SPPL3: variants seen among roughly 807,000 people sequenced by gnomAD.
SPPL3 encodes signal peptide peptidase like 3.
A neutral mutation model predicts 42.4 loss-of-function variants in SPPL3; 5 were observed. That is an observed-to-expected ratio of 0.12 (90% CI 0.06 to 0.25). The LOEUF is 0.25. SPPL3 is among the 10% of genes least tolerant of loss of function. The probability of loss-of-function intolerance (pLI) is 1.00; values close to 1 mark genes in which losing one functional copy is unlikely to be tolerated. For missense variants in SPPL3, 235 were observed against 489.0 expected, an observed-to-expected ratio of 0.48 and a Z score of 4.90; for synonymous variants, 195 against 181.8, an observed-to-expected ratio of 1.07 and a Z score of -0.58.
intron 1 of SPPL3, among the ~76,000 whole-genome samples, chr12:120,826,308 A>G (rs972652491): frequency 8.6e-5 from 13 of 150,780 alleles, no homozygotes; most frequent in Middle Eastern, 3.4e-3. Context: ...AAAAAAAAAA[A>G]AAAGAAAGCA....
At chr12:120,828,181 A>C (rs1005745389) in intron 1 of SPPL3, among the ~76,000 whole-genome samples, 1 of 152,248 alleles carries the variant, frequency 6.6e-6, no homozygotes, top group Non-Finnish European at 1.5e-5. Flanking sequence ...AAATCTGTGA[A>C]AATCCCCAAA....
intron 6 of SPPL3, among the ~76,000 whole-genome samples, chr12:120,778,676 T>C (rs1209746366): frequency 6.6e-6 from 1 of 152,252 alleles, no homozygotes; most frequent in African/African-American, 2.4e-5. Context: ...GCTTTACAAT[T>C]TGCAATCCAC....
chr12:120,765,004 C>G lies in SPPL3; in HGVS notation c.1150G>C (p.Val384Leu), dbSNP rs1359676719. Residue 384 changes from valine to leucine, a missense_variant, in exon 11 of 11, where the codon GTA becomes CTA. Physicochemically the swap from Val to Leu is conservative, Grantham distance 32. Transcript: ENST00000353487. The stretch of plus-strand genomic sequence containing the variant: ...GTCACTTTCCACGTGATCCATCATA[C>G]TTCCAGGAATCGGGAGCTGCTGGAC... ...SKSSSSRFLE[V>L] 6.2e-7 allele frequency: 1 copy of G among 1,613,918 alleles called. No homozygotes were observed. Among genetic ancestry groups the G allele is most frequent in the Middle Eastern group, 1.6e-4 (1 of 6,062 alleles).
At chr12:120,846,830 A>G (rs575257533) in intron 1 of SPPL3, among the ~76,000 whole-genome samples, 4 of 152,226 alleles carry the variant, frequency 2.6e-5, no homozygotes, top group Non-Finnish European at 4.4e-5. Context: ...AACAGATTCC[A>G]TATTTTTGTT....
chr12:120,885,935 A>C (rs1027214871), intron 1 of SPPL3, among the ~76,000 whole-genome samples: 4 of 147,744 alleles, frequency 2.7e-5, no homozygotes, highest in Non-Finnish European at 4.4e-5. Context: ...GCTCACCGCA[A>C]CCTCCACCTC....
intron 2 of SPPL3, among the ~76,000 whole-genome samples, chr12:120,792,829 G>A (rs1869966421): frequency 6.6e-6 from 1 of 152,070 alleles, no homozygotes; most frequent in South Asian, 2.1e-4. Flanking sequence ...TGGTAGGACA[G>A]AGGAACTGAC....
intron 1 of SPPL3, among the ~76,000 whole-genome samples, chr12:120,818,103 A>G (rs1158035160): frequency 3.3e-5 from 5 of 152,310 alleles, no homozygotes; most frequent in Non-Finnish European, 7.4e-5. Context: ...GAAATGTGTC[A>G]TTCTTCAGGC....
chr12:120,837,080 T>C (rs746893412), intron 1 of SPPL3, among the ~76,000 whole-genome samples: 2 of 152,206 alleles, frequency 1.3e-5, no homozygotes, highest in Non-Finnish European at 2.9e-5. Context: ...CGGTAGTCTG[T>C]TTTACAGCAA....
At chr12:120,765,578 C>A (rs974106272) in intron 10 of SPPL3, among the ~76,000 whole-genome samples, 1 of 152,182 alleles carries the variant, frequency 6.6e-6, no homozygotes, top group Non-Finnish European at 1.5e-5. Context: ...ATGCCCCTGG[C>A]CCCTTTCTGA....
chr12:120,839,261 A>G (rs913104053), intron 1 of SPPL3, among the ~76,000 whole-genome samples: 10 of 151,172 alleles, frequency 6.6e-5, no homozygotes, highest in Non-Finnish European at 1.5e-4. Flanking sequence ...TGCAAGGACA[A>G]AAAACCAAAC....
intron 1 of SPPL3, among the ~76,000 whole-genome samples, chr12:120,836,853 G>A (rs1871636925): frequency 6.6e-6 from 1 of 152,138 alleles, no homozygotes; most frequent in Non-Finnish European, 1.5e-5. Context: ...GTGCATATAC[G>A]AGTGCAAGTA....
intron 1 of SPPL3, among the ~76,000 whole-genome samples, chr12:120,832,061 A>G (rs1871443463): frequency 6.6e-6 from 1 of 152,236 alleles, no homozygotes; most frequent in Non-Finnish European, 1.5e-5. Context: ...CTGTAAATTC[A>G]TAATAGCAAT....
intron 2 of SPPL3, among the ~76,000 whole-genome samples, chr12:120,802,905 A>C (rs1870365015): frequency 6.6e-6 from 1 of 152,226 alleles, no homozygotes; most frequent in Non-Finnish European, 1.5e-5. Context: ...AATTTTGGCA[A>C]AACTGCTTTT....
chr12:120,791,430 A>T (rs1239881210), intron 3 of SPPL3, 39 bp downstream of exon 3: 11 of 1,443,916 alleles, frequency 7.6e-6, no homozygotes, highest in Non-Finnish European at 9.4e-6. Context: ...AATTAAGAAA[A>T]CTATATGTAC....
chr12:120,798,098 G>A (rs1870166755), intron 2 of SPPL3, among the ~76,000 whole-genome samples: 1 of 152,160 alleles, frequency 6.6e-6, no homozygotes, highest in Non-Finnish European at 1.5e-5. Context: ...GGCAGCCCCA[G>A]TGGGTGACAG....
chr12:120,764,882 G>C lies in SPPL3; in HGVS notation c.*117C>G, dbSNP rs967303566. 9.3e-7 allele frequency: 1 copy of C among 1,073,918 alleles called. No homozygotes were observed. The highest frequency in any genetic ancestry group is 1.8e-5 in the South Asian group (1 of 55,940). The allele number at this position is 1,073,918 out of a possible 1,614,324, so 66.5% of individuals were successfully genotyped here. On this transcript the variant is annotated 3_prime_UTR_variant, in exon 11 of 11. Transcript: ENST00000353487. ...CTTTAAATGCCAAATCCAGTCACAC[G>C]GCAGTTCCTTAAACACAGGTACATT...
At chr12:120,768,625 A>C in intron 7 of SPPL3, 137 bp from the exon 8 acceptor site, 2 of 1,052,802 alleles carry the variant, frequency 1.9e-6, no homozygotes, top group South Asian at 3.2e-5. Context: ...GATTTGAGAA[A>C]ATCTTTGCTC....
Position 120,810,878 on chromosome 12 carries a change from G to A in SPPL3, c.32C>T (p.Ser11Phe), listed in dbSNP as rs1230801127. 6.2e-7 allele frequency: 1 copy of A among 1,612,752 alleles called. No homozygotes were observed. Among genetic ancestry groups the A allele is most frequent in the Non-Finnish European group, 8.5e-7 (1 of 1,178,884 alleles). ...AGACACTTGACTGGAATCCACCAGG[G>A]AATAGGCCCTAGAGAAATAAGAGGA... MAEQTYSWAY[S>F]LVDSSQVSTF... is the part of the protein sequence containing the mutation. The change falls in exon 2 of 11, where the codon TCC becomes TTC. Residue 11 changes from serine (S) to phenylalanine (F), a missense_variant. By Grantham distance (155) the Ser-to-Phe change is radical. This residue lies in a region of SPPL3 where 110 missense variants were observed against 186.2 expected (regional missense o/e 0.59). Transcript: ENST00000353487.
intron 2 of SPPL3, among the ~76,000 whole-genome samples, chr12:120,810,366 T>TA (rs1870644239): frequency 6.7e-6 from 1 of 148,992 alleles, no homozygotes; most frequent in African/African-American, 2.6e-5. Flanking sequence ...GTTTTGTGAC[T>TA]ACACTTTCAT....
Sources: gnomAD v4.1 joint callset for allele counts (sites outside exome capture counted in the v4.1 genomes callset) on GRCh38, gnomAD v4.1.1 for gene constraint, gnomAD v4.1.1 regional missense constraint, MANE v1.5 for transcripts, NCBI Gene and HGNC (gene_info 2026-07-23, HGNC 2026-07-21) for gene names.